Variants in FAT1 observed in about 807,000 individuals in gnomAD.
FAT1 encodes the protein protocadherin Fat 1.
A neutral mutation model predicts 329.8 loss-of-function variants in FAT1; 171 were observed. The ratio of observed to expected loss-of-function variants is 0.52; its 90% CI spans 0.46 to 0.59. The LOEUF (loss-of-function observed/expected upper bound fraction) is 0.59, where lower values mean the gene tolerates loss of function less well. FAT1 is among the 20% of genes least tolerant of loss of function. FAT1 has a pLI of 0.00. For synonymous variants in FAT1, 2,233 were observed against 2,228.6 expected (o/e 1.00, Z -0.06); for missense variants, 5,672 against 5,774.4 (o/e 0.98, Z 0.57).
intron 2 of FAT1, among the ~76,000 whole-genome samples, chr4:186,673,416 T>G (rs1488190281): frequency 6.6e-6 from 1 of 152,246 alleles, no homozygotes; most frequent in Non-Finnish European, 1.5e-5. Context: ...AGTAGATATA[T>G]GACAATGGAT....
At position 186,618,627 on chromosome 4, in the gene FAT1, G is replaced by A. The variant is rs768622107; in HGVS notation, c.7959C>T (p.Gly2653=). 27 of 1,613,880 alleles carry A rather than the reference G, an allele frequency of 1.7e-5. No individual in the cohort carries two copies. In the Admixed American group the frequency reaches 3.5e-4, roughly 21 times the overall value. The change falls in exon 10 of 27, where the codon GGC becomes GGT. Residue 2653 remains glycine (G), a synonymous_variant. Transcript: ENST00000441802. The stretch of plus-strand genomic sequence containing the variant: ...TGAGGCTCTCCTTTGTAGTGATTAC[G>A]CCGGACAGTTTGTTAATTTCCAAAT... The part of the protein sequence containing the change: ...KENLEINKLS[G]VITTKESLIG...
rs142351771 is a variant in FAT1, at chr4:186,605,548, A to G, written c.10350+522T>C. ...AGTGGGGAGGAGGAAGAGAAGGAGG[A>G]GGAATGGAGAAGAGGTGGAGGGAGG... On this transcript the variant is annotated intron_variant, in intron 17 of 26. Coordinates refer to ENST00000441802, the MANE Select transcript of FAT1 (RefSeq NM_005245.4). Among the ~76,000 whole-genome samples, 571 of 90,180 alleles carry G rather than the reference A, an allele frequency of 6.3e-3. 7 individuals carry two copies. Among genetic ancestry groups the G allele is most frequent in the Admixed American group, 0.013 (83 of 6,358 alleles). 59.2% of individuals were successfully genotyped at this position (90,180 alleles called of 152,430 possible).
chr4:186,673,932 GT>G (rs1407146536), intron 2 of FAT1, among the ~76,000 whole-genome samples: 1 of 152,052 alleles, frequency 6.6e-6, no homozygotes, highest in Non-Finnish European at 1.5e-5. Context: ...TCACCCTTGG[GT>G]ATCAAAACTT....
rs777999215 is a variant in FAT1 at position 186,619,058 on chromosome 4, G to A, written c.7528C>T (p.Leu2510=). ...ELAENAPLHT[L]VMEVKTTDGD... ...TCCGTAGTTTTCACCTCCATCACCA[G>A]GGTATGTAGGGGAGCGTTTTCAGCT... The change falls in exon 10 of 27, where the codon CTG becomes TTG. Residue 2510 remains leucine, a synonymous_variant. Transcript: ENST00000441802. The A allele has an allele frequency of 1.1e-5, 18 of 1,613,890 alleles. No homozygotes were observed. The highest frequency in any genetic ancestry group is 1.4e-5 in the Non-Finnish European group (17 of 1,179,898).
chr4:186,597,929 T>G (rs749414274), intron 23 of FAT1, 43 bp downstream of exon 23: 1 of 1,584,638 alleles, frequency 6.3e-7, no homozygotes. Flanking sequence ...TTTAAGAATT[T>G]TATACTACAA....
chr4:186,646,975 C>T (rs547921192), intron 3 of FAT1, among the ~76,000 whole-genome samples: 1 of 152,250 alleles, frequency 6.6e-6, no homozygotes, highest in East Asian at 1.9e-4. Flanking sequence ...TTCCTAAGCA[C>T]TAAAAGTGAC....
Position 186,710,540 on chromosome 4 carries a change from A to G in FAT1, c.-18-695T>C, listed in dbSNP as rs111616871. Among the ~76,000 whole-genome samples, 691 of 152,318 alleles carry G rather than the reference A, an allele frequency of 4.5e-3. 3 individuals carry two copies. Among genetic ancestry groups the G allele is most frequent in the African/African-American group, 0.014 (584 of 41,556 alleles). On this transcript the variant is annotated intron_variant, in intron 1 of 26. Transcript: ENST00000441802. ...AATACTTATCAGCAACATAAGCCCC[A>G]AAGAAAGGCAATTTACAAAAGAAAA...
intron 2 of FAT1, among the ~76,000 whole-genome samples, chr4:186,688,662 C>CCCCCCA (rs1553998369): frequency 7.6e-6 from 1 of 131,936 alleles, no homozygotes; most frequent in African/African-American, 3.1e-5. Flanking sequence ...CGCCCCCCCC[C>CCCCCCA]AAAAAAACAC....
rs180910440 is a variant in FAT1, at chr4:186,627,895, T to C, written c.4810+259A>G. Among the ~76,000 whole-genome samples the C allele has an allele frequency of 1.7e-3, 261 of 152,260 alleles. 1 individual carries two copies. The highest frequency in any genetic ancestry group is 5.6e-4 in the Non-Finnish European group (38 of 68,024). On this transcript the variant is annotated intron_variant, in intron 9 of 26. Coordinates refer to ENST00000441802, the MANE Select transcript of FAT1 (RefSeq NM_005245.4). ...TGAATTGGTCAAATAAAGTTTCCTC[T>C]ACTACGTGGCTTCTCAGAGCCTTGA...
At chr4:186,714,011 C>T (rs909579968) in intron 1 of FAT1, among the ~76,000 whole-genome samples, 6 of 152,096 alleles carry the variant, frequency 3.9e-5, no homozygotes, top group Non-Finnish European at 7.3e-5. Context: ...TCTCAAGATC[C>T]GTCTGGACTC....
chr4:186,689,365 C>G (rs957156655), intron 2 of FAT1, among the ~76,000 whole-genome samples: 3 of 152,158 alleles, frequency 2.0e-5, no homozygotes, highest in Non-Finnish European at 4.4e-5. Context: ...ATGATTTACT[C>G]GGAATTTTAC....
In FAT1 at chr4:186,708,019, C is replaced by G. The variant is rs1490296995; in HGVS notation, c.1809G>C (p.Gln603His). 1 of 1,613,906 alleles carries G rather than the reference C, an allele frequency of 6.2e-7. No individual in the cohort carries two copies. Among genetic ancestry groups the G allele is most frequent in the Non-Finnish European group, 8.5e-7 (1 of 1,179,884 alleles). ...GTTCATTTCCAGCTTCAATCTGATA[C>G]TGTACCAACTGAAGTTCATCTGCAT... ...AIDADELQLV[Q>H]YQIEAGNELD... The change falls in exon 2 of 27, where the codon CAG (glutamine) becomes CAC (histidine). Residue 603 changes from glutamine to histidine, a missense_variant. Gln to His is a conservative substitution (Grantham distance 24). Around this residue, in one of 2 missense-constraint regions of FAT1, gnomAD observed 3,966 missense variants for 3,915.2 expected, o/e 1.01. Transcript: ENST00000441802.
intron 26 of FAT1, among the ~76,000 whole-genome samples, chr4:186,594,014 T>C (rs28523286): frequency 0.21 from 32,058 of 152,136 alleles, 4,233 homozygotes; most frequent in East Asian, 0.38. Flanking sequence ...CATTGTACTA[T>C]CTGGAAGCTA....
chr4:186,601,518 A>G (rs1482222191), intron 20 of FAT1, 92 bp from the exon 21 acceptor site: 5 of 1,001,876 alleles, frequency 5.0e-6, no homozygotes, highest in Non-Finnish European at 7.2e-6. Context: ...AGACTGATTT[A>G]GGGTTTTATT....
chr4:186,615,847 T>C (rs988259447), intron 11 of FAT1, among the ~76,000 whole-genome samples: 1 of 152,138 alleles, frequency 6.6e-6, no homozygotes, highest in African/African-American at 2.4e-5. Context: ...TTCCACACCT[T>C]TCCCTAATAC....
At chr4:186,680,548 A>G (rs1743165162) in intron 2 of FAT1, among the ~76,000 whole-genome samples, 1 of 152,198 alleles carries the variant, frequency 6.6e-6, no homozygotes, top group African/African-American at 2.4e-5. Context: ...TGTGGTGGGC[A>G]GCCGACCTCT....
At chr4:186,701,986 C>T (rs533147813) in intron 2 of FAT1, among the ~76,000 whole-genome samples, 1 of 99,190 alleles carries the variant, frequency 1.0e-5, no homozygotes, top group South Asian at 4.1e-4. Flanking sequence ...AGGGATGAGG[C>T]CAGGAGCCGA....
intron 1 of FAT1, among the ~76,000 whole-genome samples, chr4:186,717,065 C>G (rs1028577852): frequency 2.0e-5 from 3 of 151,924 alleles, no homozygotes; most frequent in African/African-American, 7.3e-5. Context: ...CCGCACCCAG[C>G]GTAAATGGCT....
chr4:186,628,056 C>T, intron 9 of FAT1, 98 bp downstream of exon 9: 1 of 1,293,296 alleles, frequency 7.7e-7, no homozygotes, highest in Non-Finnish European at 1.1e-6. Context: ...TTTGCAGATA[C>T]ATAGAAATGC....
Sources: gnomAD v4.1 joint callset for allele counts (sites outside exome capture counted in the v4.1 genomes callset) on GRCh38, gnomAD v4.1.1 for gene constraint, gnomAD v4.1.1 regional missense constraint, MANE v1.5 for transcripts, NCBI Gene and HGNC (gene_info 2026-07-23, HGNC 2026-07-21) for gene names.